The following ZMAT4 variants were observed in gnomAD, a reference collection of about 807,000 sequenced individuals.
ZMAT4 encodes zinc finger matrin-type protein 4.
Under a neutral mutation model 28.7 loss-of-function variants are expected in ZMAT4, and 17 were observed. The ratio of observed to expected loss-of-function variants is 0.59; its 90% CI spans 0.41 to 0.89. ZMAT4 has a LOEUF of 0.89. Among genes scored for constraint, ZMAT4 ranks in the 40% least tolerant of loss-of-function variants. ZMAT4 has a pLI of 0.00. For synonymous variants in ZMAT4, 117 were observed against 109.2 expected, an observed-to-expected ratio of 1.07 and a Z score of -0.44; for missense variants, 240 against 283.8, an observed-to-expected ratio of 0.85 and a Z score of 1.11.
At chr8:40,671,648 G>A (rs2150469176) in intron 5 of ZMAT4, among the ~76,000 whole-genome samples, 1 of 152,202 alleles carries the variant, frequency 6.6e-6, no homozygotes. Flanking sequence ...TGAGAAAAGT[G>A]GTTCTCTGGA....
chr8:40,616,278 A>G (rs889198312), intron 5 of ZMAT4, among the ~76,000 whole-genome samples: 7 of 152,228 alleles, frequency 4.6e-5, no homozygotes, highest in African/African-American at 1.7e-4. Context: ...ACACTTTTAC[A>G]CTGTTGGTGG....
chr8:40,865,488 C>T (rs996584296), intron 1 of ZMAT4, among the ~76,000 whole-genome samples: 3 of 152,158 alleles, frequency 2.0e-5, no homozygotes, highest in African/African-American at 7.2e-5. Flanking sequence ...CTCTGGGAAA[C>T]CCTATGAGTG....
intron 4 of ZMAT4, among the ~76,000 whole-genome samples, chr8:40,684,027 C>T (rs1024674577): frequency 6.6e-6 from 1 of 151,316 alleles, no homozygotes; most frequent in Non-Finnish European, 1.5e-5. Flanking sequence ...ATATTTGTGC[C>T]ACTGCATTCT....
intron 1 of ZMAT4, among the ~76,000 whole-genome samples, chr8:40,837,785 A>G (rs749816113): frequency 6.6e-6 from 1 of 152,220 alleles, no homozygotes; most frequent in Non-Finnish European, 1.5e-5. Context: ...GCAGAGTATC[A>G]TCGCAGGACA....
intron 5 of ZMAT4, among the ~76,000 whole-genome samples, chr8:40,582,257 T>C (rs1387925393): frequency 2.6e-5 from 4 of 152,096 alleles, no homozygotes; most frequent in Non-Finnish European, 5.9e-5. Flanking sequence ...TCCCAATGAT[T>C]TGGGAGGCCG....
intron 6 of ZMAT4, among the ~76,000 whole-genome samples, chr8:40,561,383 T>A (rs751122797): frequency 2.6e-5 from 4 of 152,168 alleles, no homozygotes; most frequent in Non-Finnish European, 4.4e-5. Context: ...GCGTTTCTTA[T>A]AATTCCCTTA....
chr8:40,677,790 T>C (rs1808972854), intron 4 of ZMAT4, among the ~76,000 whole-genome samples: 2 of 152,246 alleles, frequency 1.3e-5, no homozygotes, highest in Admixed American at 1.3e-4. Flanking sequence ...AAAAACACTT[T>C]AGTTGACATG....
intron 3 of ZMAT4, among the ~76,000 whole-genome samples, chr8:40,711,684 G>A (rs1810629913): frequency 6.6e-6 from 1 of 152,202 alleles, no homozygotes; most frequent in Non-Finnish European, 1.5e-5. Flanking sequence ...AGTATGTCAA[G>A]ATTTTAAAAA....
intron 3 of ZMAT4, among the ~76,000 whole-genome samples, chr8:40,755,268 A>G (rs1285034385): frequency 6.6e-6 from 1 of 152,168 alleles, no homozygotes; most frequent in Non-Finnish European, 1.5e-5. Context: ...TAGAGTTTCA[A>G]TGGGCAGCAA....
At chr8:40,672,445 G>A (rs1808716576) in intron 5 of ZMAT4, among the ~76,000 whole-genome samples, 1 of 152,094 alleles carries the variant, frequency 6.6e-6, no homozygotes, top group Non-Finnish European at 1.5e-5. Context: ...TGGAAAGTTT[G>A]GTTTCAAGGA....
chr8:40,862,026 T>A (rs1404560351), intron 1 of ZMAT4, among the ~76,000 whole-genome samples: 1 of 152,188 alleles, frequency 6.6e-6, no homozygotes, highest in Non-Finnish European at 1.5e-5. Flanking sequence ...TCCTCCAGGA[T>A]CTAGAACTAG....
chr8:40,840,961 A>G (rs1292608242), intron 1 of ZMAT4, among the ~76,000 whole-genome samples: 2 of 152,188 alleles, frequency 1.3e-5, no homozygotes, highest in Non-Finnish European at 1.5e-5. Context: ...ATGAGATATT[A>G]CAAGCCACCT....
intron 3 of ZMAT4, among the ~76,000 whole-genome samples, chr8:40,718,948 G>A (rs1810966432): frequency 6.6e-6 from 1 of 152,126 alleles, no homozygotes; most frequent in Admixed American, 6.6e-5. Flanking sequence ...GCACTGACCT[G>A]GAATCCCAGG....
At chr8:40,832,186 A>G (rs1356625716) in intron 1 of ZMAT4, among the ~76,000 whole-genome samples, 1 of 152,172 alleles carries the variant, frequency 6.6e-6, no homozygotes, top group East Asian at 1.9e-4. Context: ...TCATAAAAGG[A>G]AAGCCAAGGA....
At chr8:40,767,768 A>C in intron 2 of ZMAT4, 38 bp from the exon 3 acceptor site, 1 of 1,563,522 alleles carries the variant, frequency 6.4e-7, no homozygotes, top group Non-Finnish European at 8.7e-7. Context: ...TGTAAAAGAT[A>C]AGCCATTTCA....
At chr8:40,605,842 C>T (rs1277957361) in intron 5 of ZMAT4, among the ~76,000 whole-genome samples, 1 of 152,066 alleles carries the variant, frequency 6.6e-6, no homozygotes, top group East Asian at 1.9e-4. Context: ...GATTTAGGAG[C>T]TCCAGTGTTA....
intron 5 of ZMAT4, among the ~76,000 whole-genome samples, chr8:40,619,088 A>G (rs1806113903): frequency 6.6e-6 from 1 of 152,132 alleles, no homozygotes; most frequent in Non-Finnish European, 1.5e-5. Flanking sequence ...ATCATTGGTG[A>G]TTGGTTGCTA....
At chr8:40,864,991 G>A (rs757346354) in intron 1 of ZMAT4, among the ~76,000 whole-genome samples, 7 of 152,020 alleles carry the variant, frequency 4.6e-5, no homozygotes, top group Non-Finnish European at 1.0e-4. Flanking sequence ...AAATAAAAGG[G>A]TGACATTGCA....
At position 40,712,792 on chromosome 8, in the gene ZMAT4, C is replaced by T. The variant is rs1585922257; in HGVS notation, c.193-15391G>A. On this transcript the variant is annotated intron_variant, in intron 3 of 6. Coordinates refer to ENST00000297737, the MANE Select transcript of ZMAT4 (RefSeq NM_024645.3). ...CAGAGCTTTGCTAGCTGAAGAACTT[C>T]CAGAAATTGGGCATTGCCCCAGAAG... 7.9e-5 allele frequency among the ~76,000 whole-genome samples: 12 copies of T among 152,242 alleles called. No homozygotes were observed. In the South Asian group the frequency reaches 2.5e-3, roughly 32 times the overall value.
Sources: allele counts gnomAD v4.1 joint callset (sites outside exome capture counted in the v4.1 genomes callset), GRCh38; gene constraint gnomAD v4.1.1; transcripts MANE v1.5; gene names NCBI Gene and HGNC (gene_info 2026-07-23, HGNC 2026-07-21).